The following THSD4 variants were observed in gnomAD, a reference collection of about 807,000 sequenced individuals.
The protein encoded by THSD4 is thrombospondin type 1 domain containing 4.
THSD4 carries 69 observed loss-of-function variants against 119.0 expected under a neutral mutation model. The ratio of observed to expected loss-of-function variants is 0.58; its 90% CI spans 0.48 to 0.71. The LOEUF is 0.71. Ranked by LOEUF, THSD4 falls within the 30% of genes least tolerant of loss-of-function variation. THSD4 has a pLI of 0.00. For synonymous variants in THSD4, 524 were observed against 540.4 expected (o/e 0.97, Z 0.42); for missense variants, 1,393 against 1,391.1 (o/e 1.00, Z -0.02).
At chr15:71,191,337 T>C (rs1433151790) in intron 3 of THSD4, among the ~76,000 whole-genome samples, 1 of 152,204 alleles carries the variant, frequency 6.6e-6, no homozygotes, top group Non-Finnish European at 1.5e-5. Context: ...CCTATTTTTC[T>C]TCTGGGCACC....
chr15:71,513,313 G>T (rs1028211264), intron 7 of THSD4, among the ~76,000 whole-genome samples: 2 of 152,196 alleles, frequency 1.3e-5, no homozygotes, highest in Admixed American at 6.5e-5. Context: ...TTACAGCATT[G>T]TCTAATTGGC....
In THSD4 at chr15:71,762,806, C is replaced by T. The variant is rs11634660; in HGVS notation, c.2590-2214C>T. ...TTTTTTGGCTGGGCACAGTGGCTCA[C>T]GCCTATAATCCCAGCACTTTGGGAG... On this transcript the variant is annotated intron_variant, in intron 15 of 17. Coordinates refer to ENST00000261862, the MANE Select transcript of THSD4 (RefSeq NM_024817.3). Among the ~76,000 whole-genome samples, 1,479 of 152,198 alleles carry T rather than the reference C, an allele frequency of 9.7e-3. 14 individuals are homozygous for T. Among genetic ancestry groups the T allele is most frequent in the South Asian group, 0.023 (113 of 4,822 alleles).
intron 7 of THSD4, among the ~76,000 whole-genome samples, chr15:71,489,145 C>T (rs1258805544): frequency 3.3e-5 from 5 of 152,066 alleles, no homozygotes; most frequent in African/African-American, 4.8e-5. Context: ...AAATTATTCT[C>T]CTGTGAAGAA....
At chr15:71,391,942 G>A (rs983700644) in intron 6 of THSD4, among the ~76,000 whole-genome samples, 1 of 152,154 alleles carries the variant, frequency 6.6e-6, no homozygotes, top group Non-Finnish European at 1.5e-5. Context: ...TCTAGATTTG[G>A]CTACTGAGCA....
intron 14 of THSD4, among the ~76,000 whole-genome samples, chr15:71,750,314 A>G (rs1308538238): frequency 1.3e-5 from 2 of 152,206 alleles, no homozygotes; most frequent in Non-Finnish European, 2.9e-5. Flanking sequence ...GTCAGTGTCC[A>G]TTCTGACCGG....
chr15:71,728,613 A>G lies in THSD4; in HGVS notation c.1422A>G (p.Lys474=), dbSNP rs940222064. 4 of 1,614,204 alleles carry G rather than the reference A, an allele frequency of 2.5e-6. No homozygotes were observed. Among genetic ancestry groups the G allele is most frequent in the Middle Eastern group, 1.6e-4 (1 of 6,062 alleles). The part of the protein sequence containing the change: ...NGNWAIDRPG[K]YEGGGTMFTY... ...ACTGGGCAATTGATCGACCAGGAAA[A>G]TACGAGGGCGGAGGGACCATGTTCA... Residue 474 remains lysine, a synonymous_variant, in exon 9 of 18, where the codon AAA becomes AAG. Coordinates refer to ENST00000261862, the MANE Select transcript of THSD4 (RefSeq NM_024817.3).
intron 7 of THSD4, among the ~76,000 whole-genome samples, chr15:71,630,275 G>C (rs1471353791): frequency 6.6e-6 from 1 of 152,122 alleles, no homozygotes. Flanking sequence ...GGGGAAACGG[G>C]GATGCTAAAT....
At chr15:71,327,025 G>A (rs993733085) in intron 6 of THSD4, among the ~76,000 whole-genome samples, 10 of 151,816 alleles carry the variant, frequency 6.6e-5, no homozygotes, top group Admixed American at 6.6e-4. Context: ...AAATTAGCTA[G>A]GCATGATGTT....
At chr15:71,758,954 G>C (rs1182047211) in intron 15 of THSD4, among the ~76,000 whole-genome samples, 1 of 152,034 alleles carries the variant, frequency 6.6e-6, no homozygotes, top group African/African-American at 2.4e-5. Flanking sequence ...CCCACTCCTG[G>C]GGATTCATTT....
chr15:71,217,873 A>G lies in THSD4; in HGVS notation c.464+2474A>G, dbSNP rs895150330. On this transcript the variant is annotated intron_variant, in intron 4 of 17. Coordinates refer to ENST00000261862, the MANE Select transcript of THSD4 (RefSeq NM_024817.3). ...ACCATCTCAGTTCACTGCAACCTCC[A>G]CCTCCTGGGTTCAAATGATTCCTGT... is the stretch of plus-strand genomic sequence containing the variant. 4.1e-5 allele frequency among the ~76,000 whole-genome samples: 6 copies of G among 144,640 alleles called. No individual in the cohort carries two copies. The Admixed American group carries it at 4.3e-4, about 10-fold the overall frequency. 94.9% of individuals were successfully genotyped at this position (144,640 alleles called of 152,430 possible).
At chr15:71,317,233 T>C (rs531730414) in intron 6 of THSD4, among the ~76,000 whole-genome samples, 1 of 152,374 alleles carries the variant, frequency 6.6e-6, no homozygotes, top group Admixed American at 6.5e-5. Context: ...GGTTGTCGTC[T>C]TCTGTGAACC....
chr15:71,544,947 C>A (rs1468634597), intron 7 of THSD4, among the ~76,000 whole-genome samples: 1 of 152,074 alleles, frequency 6.6e-6, no homozygotes. Context: ...ATATGAAGTA[C>A]CTAGACCAGG....
intron 6 of THSD4, among the ~76,000 whole-genome samples, chr15:71,323,115 A>AT (rs1049370781): frequency 8.6e-5 from 13 of 151,690 alleles, no homozygotes; most frequent in African/African-American, 3.1e-4. Context: ...AAAAAAAAAA[A>AT]AAAAGATCGT....
At chr15:71,436,486 A>G (rs1183147526) in intron 7 of THSD4, among the ~76,000 whole-genome samples, 1 of 152,192 alleles carries the variant, frequency 6.6e-6, no homozygotes, top group East Asian at 1.9e-4. Context: ...ACAAAGAGTG[A>G]CCAAGAGTGA....
intron 6 of THSD4, among the ~76,000 whole-genome samples, chr15:71,364,876 C>T (rs1024516191): frequency 6.6e-6 from 1 of 152,128 alleles, no homozygotes; most frequent in East Asian, 1.9e-4. Flanking sequence ...ACAAATGGAA[C>T]TTGTATGCAT....
chr15:71,634,830 T>C lies in THSD4; in HGVS notation c.1153-25700T>C, dbSNP rs148598072. Among the ~76,000 whole-genome samples, 1,207 of 152,324 alleles carry C rather than the reference T, an allele frequency of 7.9e-3. 55 individuals carry two copies. Among genetic ancestry groups the C allele is most frequent in the Admixed American group, 0.069 (1,055 of 15,298 alleles). ...TGGAGTCACTCATTTGGACACCCAG[T>C]CTTATTAGAGTTGCATCGTGCCATA... On this transcript the variant is annotated intron_variant, in intron 7 of 17. Transcript: ENST00000261862.
At chr15:71,387,042 C>G (rs2046302802) in intron 6 of THSD4, among the ~76,000 whole-genome samples, 1 of 152,038 alleles carries the variant, frequency 6.6e-6, no homozygotes, top group African/African-American at 2.4e-5. Flanking sequence ...CTTTTCTGGT[C>G]TCTAGAGATT....
chr15:71,619,607 T>C (rs991253993), intron 7 of THSD4, among the ~76,000 whole-genome samples: 2 of 152,220 alleles, frequency 1.3e-5, no homozygotes, highest in Non-Finnish European at 2.9e-5. Context: ...CAGTTGGTGA[T>C]AATATACATT....
chr15:71,744,979 T>G, intron 11 of THSD4, 127 bp from the exon 12 acceptor site: 1 of 1,203,486 alleles, frequency 8.3e-7, no homozygotes, highest in South Asian at 1.5e-5. Context: ...TGTGCATGCA[T>G]GTGTGAATTG....
Sources: gnomAD v4.1 joint callset for allele counts (sites outside exome capture counted in the v4.1 genomes callset) on GRCh38, gnomAD v4.1.1 for gene constraint, MANE v1.5 for transcripts, NCBI Gene and HGNC (gene_info 2026-07-23, HGNC 2026-07-21) for gene names.